The following SHISA9 variants were observed in gnomAD, a reference collection of about 807,000 sequenced individuals.
SHISA9 encodes the protein protein shisa-9.
A neutral mutation model predicts 38.0 loss-of-function variants in SHISA9; 13 were observed. The observed-to-expected ratio is 0.34, with a 90% CI of 0.22 to 0.54. SHISA9 has a LOEUF of 0.54. Among genes scored for constraint, SHISA9 ranks in the 20% least tolerant of loss-of-function variants. The pLI is 0.91. For missense variants in SHISA9, 538 were observed against 575.8 expected, an observed-to-expected ratio of 0.93 and a Z score of 0.67; for synonymous variants, 275 against 242.0, an observed-to-expected ratio of 1.14 and a Z score of -1.27.
the SHISA9 span, among the ~76,000 whole-genome samples, chr16:13,340,607 G>C: frequency 4.6e-5 from 7 of 152,198 alleles, no homozygotes; most frequent in African/African-American, 1.7e-4. Flanking sequence ...CCACAATCCG[G>C]ACAGGGGGAC....
chr16:13,228,355 G>T (rs1307612112), intron 4 of SHISA9, among the ~76,000 whole-genome samples: 2 of 152,232 alleles, frequency 1.3e-5, no homozygotes, highest in Non-Finnish European at 2.9e-5. Flanking sequence ...CCCCCCATCT[G>T]CACGGATATG....
At position 13,155,048 on chromosome 16, in the gene SHISA9, C is replaced by T. The variant is rs563966008; in HGVS notation, c.692-48346C>T. On this transcript the variant is annotated intron_variant, in intron 2 of 4. Coordinates refer to ENST00000558583, the MANE Select transcript of SHISA9 (RefSeq NM_001145204.3). ...GCATAGGTTAAAATGACTAAGAAGA[C>T]AATGAAATAATGACATGGGATGAAA... Among the ~76,000 whole-genome samples the T allele has an allele frequency of 7.9e-5, 12 of 152,166 alleles. No individual in the cohort carries two copies. In the South Asian group the frequency reaches 2.5e-3, roughly 32 times the overall value.
chr16:13,519,664 C>T, the SHISA9 span, among the ~76,000 whole-genome samples: 1,301 of 152,286 alleles, frequency 8.5e-3, 16 homozygotes, highest in Non-Finnish European at 0.014. Flanking sequence ...CACAGTTCCA[C>T]AGGGCTGGGG....
chr16:13,275,541 T>G, the SHISA9 span, among the ~76,000 whole-genome samples: 1 of 152,094 alleles, frequency 6.6e-6, no homozygotes, highest in African/African-American at 2.4e-5. Context: ...ACATTTGGTG[T>G]GTAATTTTGA....
chr16:13,362,374 G>A, the SHISA9 span, among the ~76,000 whole-genome samples: 1 of 152,162 alleles, frequency 6.6e-6, no homozygotes, highest in Non-Finnish European at 1.5e-5. Context: ...GCTGCAGTGA[G>A]CAGTGATTGT....
chr16:13,419,108 T>C, the SHISA9 span, among the ~76,000 whole-genome samples: 1 of 152,250 alleles, frequency 6.6e-6, no homozygotes, highest in African/African-American at 2.4e-5. Flanking sequence ...TTTACAAAAC[T>C]TTTAGTTCAA....
chr16:13,480,111 G>A, the SHISA9 span, among the ~76,000 whole-genome samples: 1 of 152,118 alleles, frequency 6.6e-6, no homozygotes, highest in African/African-American at 2.4e-5. Context: ...TCTCACTCCT[G>A]CACCCATGTT....
chr16:13,290,101 G>A, the SHISA9 span, among the ~76,000 whole-genome samples: 1 of 152,108 alleles, frequency 6.6e-6, no homozygotes, highest in Non-Finnish European at 1.5e-5. Flanking sequence ...AGTTGAGTGT[G>A]AATAAATCTC....
At chr16:13,433,797 G>A in the SHISA9 span, among the ~76,000 whole-genome samples, 1 of 152,180 alleles carries the variant, frequency 6.6e-6, no homozygotes, top group Non-Finnish European at 1.5e-5. Context: ...AACCTACCTT[G>A]TATCCCCAGG....
At chr16:13,548,735 A>G in the SHISA9 span, among the ~76,000 whole-genome samples, 1 of 152,088 alleles carries the variant, frequency 6.6e-6, no homozygotes, top group Non-Finnish European at 1.5e-5. Flanking sequence ...ATGTGGAGAA[A>G]GGAGAACACA....
At chr16:13,016,743 A>G (rs896023395) in intron 2 of SHISA9, among the ~76,000 whole-genome samples, 6 of 152,220 alleles carry the variant, frequency 3.9e-5, no homozygotes, top group Non-Finnish European at 7.3e-5. Flanking sequence ...GCATTCATTC[A>G]TATGTTTACG....
At chr16:13,509,272 C>CA in the SHISA9 span, among the ~76,000 whole-genome samples, 40,651 of 146,142 alleles carry the variant, frequency 0.28, 5,840 homozygotes, top group South Asian at 0.44. Flanking sequence ...GTCAGAAATG[C>CA]AAAAAAAAAA....
chr16:13,353,459 A>AG, the SHISA9 span, among the ~76,000 whole-genome samples: 1 of 152,134 alleles, frequency 6.6e-6, no homozygotes, highest in Non-Finnish European at 1.5e-5. Flanking sequence ...ACCAGGAGAT[A>AG]TCAGCTGTGA....
the SHISA9 span, among the ~76,000 whole-genome samples, chr16:13,440,561 T>G: frequency 1.3e-5 from 2 of 152,058 alleles, no homozygotes; most frequent in Admixed American, 6.5e-5. Context: ...GTTAACAGAG[T>G]CTCTTCTGCT....
At chr16:13,319,547 G>A in the SHISA9 span, among the ~76,000 whole-genome samples, 1 of 152,124 alleles carries the variant, frequency 6.6e-6, no homozygotes, top group Admixed American at 6.5e-5. Context: ...TACCTCCAAG[G>A]CTGTGGCTGG....
At chr16:13,131,294 C>G (rs543582236) in intron 2 of SHISA9, among the ~76,000 whole-genome samples, 1 of 152,158 alleles carries the variant, frequency 6.6e-6, no homozygotes, top group South Asian at 2.1e-4. Context: ...TAGAAAGGAA[C>G]GAGATCGTGT....
chr16:13,015,986 CTTCTTTTCTTTT>C (rs2072752039), intron 2 of SHISA9, among the ~76,000 whole-genome samples: 1 of 35,060 alleles, frequency 2.9e-5, no homozygotes, highest in Non-Finnish European at 6.5e-5. Flanking sequence ...CTTCCCTTCC[CTTCTTTTCTTTT>C]CTTCCTTGAG....
chr16:13,277,054 G>C, the SHISA9 span, among the ~76,000 whole-genome samples: 5 of 152,016 alleles, frequency 3.3e-5, no homozygotes, highest in South Asian at 1.0e-3. Context: ...TCAGGTATTA[G>C]GTTTAAGTCC....
At chr16:13,139,051 AGTT>A (rs1237584324) in intron 2 of SHISA9, among the ~76,000 whole-genome samples, 1 of 152,186 alleles carries the variant, frequency 6.6e-6, no homozygotes, top group Admixed American at 6.5e-5. Context: ...AGAGGAATGA[AGTT>A]GTCACCACTA....
Sources: allele counts gnomAD v4.1 joint callset (sites outside exome capture counted in the v4.1 genomes callset), GRCh38; gene constraint gnomAD v4.1.1; transcripts MANE v1.5; gene names NCBI Gene and HGNC (gene_info 2026-07-23, HGNC 2026-07-21).